The following PPP6R2 variants were observed in gnomAD, a reference collection of about 807,000 sequenced individuals.
PPP6R2 encodes protein phosphatase 6 regulatory subunit 2, also known as serine/threonine-protein phosphatase 6 regulatory subunit 2.
A neutral mutation model predicts 100.2 loss-of-function variants in PPP6R2; 62 were observed. The ratio of observed to expected loss-of-function variants is 0.62; its 90% CI spans 0.50 to 0.76. The LOEUF is 0.76. Among genes scored for constraint, PPP6R2 ranks in the 30% least tolerant of loss-of-function variants. The pLI, the probability that PPP6R2 is intolerant of heterozygous loss-of-function variation, is 0.00. For synonymous variants in PPP6R2, 525 were observed against 514.7 expected (o/e 1.02, Z -0.27); for missense variants, 1,142 against 1,276.3 (o/e 0.89, Z 1.60).
chr22:50,410,316 G>A (rs1006032574), intron 4 of PPP6R2, among the ~76,000 whole-genome samples: 9 of 152,048 alleles, frequency 5.9e-5, no homozygotes, highest in East Asian at 3.8e-4. Flanking sequence ...CACGCTGCCC[G>A]GGGCTCCTTT....
chr22:50,402,258 T>C (rs2058165886), intron 3 of PPP6R2, among the ~76,000 whole-genome samples: 1 of 151,550 alleles, frequency 6.6e-6, no homozygotes, highest in South Asian at 2.1e-4. Context: ...CTTCTAGCTC[T>C]CCCCTGTGGG....
intron 2 of PPP6R2, among the ~76,000 whole-genome samples, chr22:50,387,768 C>T (rs952684017): frequency 2.0e-5 from 3 of 152,174 alleles, no homozygotes; most frequent in African/African-American, 4.8e-5. Context: ...GCCACCGCGG[C>T]GCACGCCCTC....
At chr22:50,369,696 A>G (rs1488472609) in intron 1 of PPP6R2, among the ~76,000 whole-genome samples, 2 of 152,018 alleles carry the variant, frequency 1.3e-5, no homozygotes, top group Non-Finnish European at 2.9e-5. Context: ...TAGTAGAGGC[A>G]GGGTTTCACC....
At chr22:50,372,228 A>G (rs981266980) in intron 2 of PPP6R2, 78 bp downstream of exon 2, 7 of 152,206 alleles carry the variant, frequency 4.6e-5, no homozygotes, top group African/African-American at 1.7e-4. Flanking sequence ...GTGGAAGTTC[A>G]AAGATGGGTC....
At chr22:50,440,107 G>A (rs890069288) in intron 21 of PPP6R2, 58 bp downstream of exon 21, 1 of 1,482,448 alleles carries the variant, frequency 6.7e-7, no homozygotes, top group Middle Eastern at 2.0e-4. Context: ...CCTGAGGCCA[G>A]CTGGCCCCCC....
intron 1 of PPP6R2, among the ~76,000 whole-genome samples, chr22:50,370,391 A>T (rs746704430): frequency 6.9e-6 from 1 of 145,320 alleles, no homozygotes; most frequent in Non-Finnish European, 1.5e-5. Context: ...AGGTTCAAGC[A>T]ATTCTCCTGC....
rs774916593 is a variant in PPP6R2 at position 50,394,092 on chromosome 22, A to G, written c.184A>G (p.Thr62Ala). 3.7e-6 allele frequency: 6 copies of G among 1,614,196 alleles called. No individual in the cohort carries two copies. The highest frequency in any genetic ancestry group is 5.1e-6 in the Non-Finnish European group (6 of 1,180,028). ...QCMEELVSLI[T>A]QDPPLDMEEK... is the part of the protein sequence containing the mutation. ...CATGGAGGAGCTGGTGAGCCTCATCACACAGGATCCGCCCCTGGACATGGA... is the reference window on the plus strand; with the variant it reads ...CATGGAGGAGCTGGTGAGCCTCATCGCACAGGATCCGCCCCTGGACATGGA... The change falls in exon 3 of 24, where the codon ACA becomes GCA. Residue 62 changes from threonine to alanine, a missense_variant. Physicochemically the swap from Thr to Ala is moderately conservative, Grantham distance 58. Around this residue, in one of 2 missense-constraint regions of PPP6R2, gnomAD observed 592 missense variants for 758.9 expected, o/e 0.78. Transcript: ENST00000612753.
At chr22:50,366,570 C>A (rs2148425388) in intron 1 of PPP6R2, among the ~76,000 whole-genome samples, 1 of 152,280 alleles carries the variant, frequency 6.6e-6, no homozygotes, top group East Asian at 1.9e-4. Context: ...TCCCAAAGTG[C>A]TGGGATTACA....
intron 3 of PPP6R2, among the ~76,000 whole-genome samples, chr22:50,401,999 A>G (rs2058127688): frequency 6.6e-6 from 1 of 152,168 alleles, no homozygotes; most frequent in African/African-American, 2.4e-5. Context: ...TCAAGTTCTC[A>G]TTCATGGATA....
the PPP6R2 span, among the ~76,000 whole-genome samples, chr22:50,336,835 T>C: frequency 6.6e-6 from 1 of 151,828 alleles, no homozygotes; most frequent in Non-Finnish European, 1.5e-5. Context: ...GCCTCCAGAG[T>C]AGCTGGGACT....
chr22:50,387,664 CA>C lies in PPP6R2; in HGVS notation c.-16-6228del, dbSNP rs1267446770. Among the ~76,000 whole-genome samples, 4 of 152,260 alleles carry C rather than the reference CA, an allele frequency of 2.6e-5. No homozygotes were observed. The East Asian group carries it at 7.7e-4, about 29-fold the overall frequency. ...CTGGTTTGTAACACTTGCTGATTTC[CA>C]TGGCGTTAATACTCCCACCACGTTG... On this transcript the variant is annotated intron_variant, in intron 2 of 23. Transcript: ENST00000612753.
intron 4 of PPP6R2, among the ~76,000 whole-genome samples, 199 bp downstream of exon 4, chr22:50,407,074 C>T (rs575159640): frequency 6.6e-5 from 10 of 152,130 alleles, no homozygotes; most frequent in Admixed American, 2.0e-4. Context: ...TGGCTGGGTG[C>T]GGTGGCTCAA....
Position 50,414,589 on chromosome 22 carries a change from G to T in PPP6R2, c.452G>T (p.Ser151Ile). The change falls in exon 5 of 24, where the codon AGC becomes ATC. Residue 151 changes from serine to isoleucine, a missense_variant. Around this residue, in one of 2 missense-constraint regions of PPP6R2, gnomAD observed 592 missense variants for 758.9 expected, o/e 0.78. Transcript: ENST00000612753. ...TFLKKKDKFI[S>I]LVLKHIGTSA... ...TTGAAGAAGAAGGACAAGTTCATCAGCCTGGTGTTGAAGCACATCGGCACC... is the reference window on the plus strand; with the variant it reads ...TTGAAGAAGAAGGACAAGTTCATCATCCTGGTGTTGAAGCACATCGGCACC... 1 of 1,614,090 alleles carries T rather than the reference G, an allele frequency of 6.2e-7. No homozygotes were observed. The highest frequency in any genetic ancestry group is 8.5e-7 in the Non-Finnish European group (1 of 1,179,984).
chr22:50,371,099 C>T (rs748519279), intron 1 of PPP6R2, among the ~76,000 whole-genome samples: 1 of 152,112 alleles, frequency 6.6e-6, no homozygotes, highest in Admixed American at 6.6e-5. Flanking sequence ...GGACTTCATA[C>T]CTGACAACGC....
chr22:50,354,287 G>A (rs180993588), intron 1 of PPP6R2, among the ~76,000 whole-genome samples: 4 of 151,486 alleles, frequency 2.6e-5, no homozygotes, highest in South Asian at 2.1e-4. Context: ...CCTGGGCGAC[G>A]GAGCGAGACT....
At position 50,401,971 on chromosome 22, in the gene PPP6R2, T is replaced by C. The variant is rs907889962; in HGVS notation, c.228-4718T>C. ...TTCTAAGAGCAGTTTCTTATTCTCA[T>C]ATATTTTAATAAAAGCTTCAAGTTC... On this transcript the variant is annotated intron_variant, in intron 3 of 23. Transcript: ENST00000612753. Among the ~76,000 whole-genome samples, 4 of 152,314 alleles carry C rather than the reference T, an allele frequency of 2.6e-5. No individual in the cohort carries two copies. The South Asian group carries it at 8.3e-4, about 32-fold the overall frequency.
At position 50,436,370 on chromosome 22, in the gene PPP6R2, TC is replaced by T; in HGVS notation, c.1523del (p.Pro508LeufsTer16). ...QTHISEVIRG[L>X]PADCRGRWES... ...CCAGGCAGCACTTCCCTTGCAGGGC[TC>T]CCTGCGGACTGCCGTGGCCGCTGGG... On this transcript the variant is annotated frameshift_variant, in exon 14 of 24. Transcript: ENST00000612753. LOFTEE classifies it high-confidence loss of function. 1 of 1,572,988 alleles carries T rather than the reference TC, an allele frequency of 6.4e-7. No individual in the cohort carries two copies. The highest frequency in any genetic ancestry group is 8.6e-7 in the Non-Finnish European group (1 of 1,159,836).
At position 50,372,417 on chromosome 22, in the gene PPP6R2, T is replaced by C. The variant is rs537799701; in HGVS notation, c.-17+267T>C. On this transcript the variant is annotated intron_variant, in intron 2 of 23. Transcript: ENST00000612753. ...TACAAAAATTAGCTGGGCATAGTGG[T>C]GTGTACCTGTAATCCCAGCTACTCA... Among the ~76,000 whole-genome samples the C allele has an allele frequency of 2.0e-5, 3 of 151,882 alleles. No homozygotes were observed. The East Asian group carries it at 5.9e-4, about 30-fold the overall frequency.
At chr22:50,362,067 G>T (rs2047901880) in intron 1 of PPP6R2, among the ~76,000 whole-genome samples, 1 of 152,210 alleles carries the variant, frequency 6.6e-6, no homozygotes, top group African/African-American at 2.4e-5. Context: ...CCCTGATGTG[G>T]CCAGGCCTCC....
Sources: gnomAD v4.1 joint callset for allele counts (sites outside exome capture counted in the v4.1 genomes callset) on GRCh38, gnomAD v4.1.1 for gene constraint, gnomAD v4.1.1 regional missense constraint, MANE v1.5 for transcripts, NCBI Gene and HGNC (gene_info 2026-07-23, HGNC 2026-07-21) for gene names.